RNPEPL1: variants seen among roughly 807,000 people sequenced by gnomAD.
The protein encoded by RNPEPL1 is arginyl aminopeptidase like 1.
A neutral mutation model predicts 69.0 loss-of-function variants in RNPEPL1; 46 were observed. The observed-to-expected ratio is 0.67, with a 90% CI of 0.53 to 0.85. The LOEUF (loss-of-function observed/expected upper bound fraction) is 0.85, where lower values mean the gene tolerates loss of function less well. Ranked by LOEUF, RNPEPL1 falls within the 40% of genes least tolerant of loss-of-function variation. RNPEPL1 has a pLI of 0.00. For missense variants in RNPEPL1, 869 were observed against 992.5 expected, an observed-to-expected ratio of 0.88 and a Z score of 1.67; for synonymous variants, 525 against 454.1, an observed-to-expected ratio of 1.16 and a Z score of -1.98.
chr2:240,569,092 A>T lies in RNPEPL1; in HGVS notation c.506A>T (p.Tyr169Phe). The T allele has an allele frequency of 6.7e-7, 1 of 1,502,016 alleles. No homozygotes were observed. The highest frequency in any genetic ancestry group is 1.2e-5 in the South Asian group (1 of 81,678). 93.0% of individuals were successfully genotyped at this position (1,502,016 alleles called of 1,614,324 possible). A position where few individuals can be genotyped will look rare whatever the true frequency, so the allele number is the denominator to read the frequency against. The change falls in exon 1 of 11, where the codon TAC becomes TTC. Residue 169 changes from tyrosine (Y) to phenylalanine (F), a missense_variant. Physicochemically the swap from Tyr to Phe is conservative, Grantham distance 22 (BLOSUM62 3). Around this residue, in one of 2 missense-constraint regions of RNPEPL1, gnomAD observed 610 missense variants for 790.9 expected, o/e 0.77. Transcript: ENST00000270357. ...CAGCCCTTCCAGGTCATCCTGCGGT[A>T]CACCTCGACCGACGCCCCCGCCGTG... ...AHQPFQVILR[Y>F]TSTDAPAIWW...
chr2:240,572,867 G>C (rs1007785316), intron 2 of RNPEPL1, among the ~76,000 whole-genome samples: 2 of 152,268 alleles, frequency 1.3e-5, no homozygotes, highest in Admixed American at 6.5e-5. Context: ...AGTGGGGTCT[G>C]TGGGTCACCG....
In RNPEPL1 at chr2:240,578,017, T is replaced by A; in HGVS notation, c.*125T>A. 1 of 967,710 alleles carries A rather than the reference T, an allele frequency of 1.0e-6. No homozygotes were observed. Among genetic ancestry groups the A allele is most frequent in the Non-Finnish European group, 1.4e-6 (1 of 697,808 alleles). 59.9% of individuals were successfully genotyped at this position (967,710 alleles called of 1,614,324 possible). ...TGCCCAGGCCCACAAGCCCCTCCCCTGGGCTCTCCCAGGCAGGGAGAATGG... is the reference window on the plus strand; with the variant it reads ...TGCCCAGGCCCACAAGCCCCTCCCCAGGGCTCTCCCAGGCAGGGAGAATGG... On this transcript the variant is annotated 3_prime_UTR_variant, in exon 11 of 11. Coordinates refer to ENST00000270357, the MANE Select transcript of RNPEPL1 (RefSeq NM_018226.6).
chr2:240,572,615 T>C (rs988526889), intron 2 of RNPEPL1, 52 bp downstream of exon 2: 3 of 1,531,388 alleles, frequency 2.0e-6, no homozygotes, highest in Non-Finnish European at 2.6e-6. Flanking sequence ...CCCAGTGGCC[T>C]GGCCACGCCG....
At chr2:240,577,131 TG>T (rs2093040179) in intron 10 of RNPEPL1, 141 bp downstream of exon 10, 9 of 1,073,628 alleles carry the variant, frequency 8.4e-6, no homozygotes, top group South Asian at 7.4e-5. Flanking sequence ...AGGGGTCTGT[TG>T]GGAGTGGGGG....
Position 240,576,563 on chromosome 2 carries a change from C to T in RNPEPL1, c.1539C>T (p.Ala513=). The change falls in exon 9 of 11, where the codon GCC becomes GCT. Residue 513 remains alanine, a synonymous_variant. Coordinates refer to ENST00000270357, the MANE Select transcript of RNPEPL1 (RefSeq NM_018226.6). ...TGGAATTCGAGCGCTGGCTCAATGC[C>T]ACAGGCCCGCCGCTGGCTGAGCCGG... ...AGLEFERWLN[A]TGPPLAEPDL... 1 of 1,612,684 alleles carries T rather than the reference C, an allele frequency of 6.2e-7. No homozygotes were observed. The highest frequency in any genetic ancestry group is 8.5e-7 in the Non-Finnish European group (1 of 1,179,874).
At chr2:240,575,257 G>A (rs1207287371) in intron 7 of RNPEPL1, 115 bp downstream of exon 7, 2 of 875,218 alleles carry the variant, frequency 2.3e-6, no homozygotes, top group Admixed American at 3.8e-5. Context: ...GGGCCTGTGA[G>A]CCTGGCTGGG....
In RNPEPL1 at chr2:240,569,015, C is replaced by G; in HGVS notation, c.429C>G (p.Thr143=). 1.3e-6 allele frequency: 2 copies of G among 1,508,538 alleles called. No individual in the cohort carries two copies. Among genetic ancestry groups the G allele is most frequent in the Non-Finnish European group, 1.8e-6 (2 of 1,136,142 alleles). 93.4% of individuals were successfully genotyped at this position (1,508,538 alleles called of 1,614,324 possible). ...TGGCCTTCAGGGTGGACCCGTTCAC[C>G]GACTACGGCTCCTCGCTCACCGTCA... ...CPLAFRVDPF[T]DYGSSLTVTL... Residue 143 remains threonine, a synonymous_variant, in exon 1 of 11, where the codon ACC becomes ACG. Coordinates refer to ENST00000270357, the MANE Select transcript of RNPEPL1 (RefSeq NM_018226.6).
chr2:240,572,608 A>G, intron 2 of RNPEPL1, 45 bp downstream of exon 2: 2 of 1,533,710 alleles, frequency 1.3e-6, no homozygotes, highest in Non-Finnish European at 1.7e-6. Context: ...AGGACAGCCC[A>G]GTGGCCTGGC....
chr2:240,571,970 A>C (rs2093022943), intron 1 of RNPEPL1, among the ~76,000 whole-genome samples: 2 of 152,104 alleles, frequency 1.3e-5, no homozygotes, highest in African/African-American at 4.8e-5. Flanking sequence ...AGCCATCAGG[A>C]GGCTCTGGCT....
In RNPEPL1 at chr2:240,579,145, A is replaced by G. The variant is rs1406868171; in HGVS notation, c.*1253A>G. 6.6e-6 allele frequency: 1 copy of G among 152,192 alleles called. No homozygotes were observed. Among genetic ancestry groups the G allele is most frequent in the Non-Finnish European group, 1.5e-5 (1 of 68,046 alleles). The allele number at this position is 152,192 out of a possible 1,614,324, so 9.4% of individuals were successfully genotyped here. A position where few individuals can be genotyped will look rare whatever the true frequency, so the allele number is the denominator to read the frequency against. ...TGGCGCCACCATCTCAGTGCCACGC[A>G]CACCTGGCCAACATGCCGTGGCCCA... On this transcript the variant is annotated 3_prime_UTR_variant, in exon 11 of 11. Transcript: ENST00000270357.
At chr2:240,575,416 CGCCCTGCAGT>C (rs988668626) in intron 7 of RNPEPL1, 76 bp from the exon 8 acceptor site, 9 of 1,173,806 alleles carry the variant, frequency 7.7e-6, no homozygotes, top group African/African-American at 6.1e-5. Context: ...CCTTGGCGCA[CGCCCTGCAGT>C]GCCCTGCAGG....
At chr2:240,573,650 T>C in intron 3 of RNPEPL1, 125 bp from the exon 4 acceptor site, 1 of 791,098 alleles carries the variant, frequency 1.3e-6, no homozygotes, top group Non-Finnish European at 2.0e-6. Context: ...GGCTGTAGGC[T>C]GGGGTGGTCA....
rs1019957095 is a variant in RNPEPL1 at position 240,573,379 on chromosome 2, C to T, written c.821+118C>T. 4.1e-5 allele frequency: 51 copies of T among 1,258,290 alleles called. No homozygotes were observed. In the African/African-American group the frequency reaches 7.5e-4, roughly 18 times the overall value. 77.9% of individuals were successfully genotyped at this position (1,258,290 alleles called of 1,614,324 possible). On this transcript the variant is annotated intron_variant, in intron 3 of 10. Coordinates refer to ENST00000270357, the MANE Select transcript of RNPEPL1 (RefSeq NM_018226.6). ...GAGGACCCCCACTGGCCTCTGGGTG[C>T]TCTGGGCCAGCCCTGCCCCTGCCTT...
chr2:240,573,277 G>A lies in RNPEPL1; in HGVS notation c.821+16G>A. On this transcript the variant is annotated intron_variant, in intron 3 of 10. Transcript: ENST00000270357. ...TCGGGCCCAGGTAGGGCCTCCTGCT[G>A]GGGCCTTCTGGGGCTGCGCAGGCCT... is the stretch of plus-strand genomic sequence containing the variant. 6.5e-7 allele frequency: 1 copy of A among 1,549,584 alleles called. No individual in the cohort carries two copies.
intron 1 of RNPEPL1, among the ~76,000 whole-genome samples, chr2:240,571,795 T>G (rs1037682620): frequency 2.0e-5 from 3 of 151,796 alleles, no homozygotes; most frequent in African/African-American, 7.3e-5. Context: ...CCAGCCATCC[T>G]TCCCTTGGCC....
intron 1 of RNPEPL1, among the ~76,000 whole-genome samples, chr2:240,569,584 C>T (rs2093015350): frequency 6.6e-6 from 1 of 152,178 alleles, no homozygotes; most frequent in African/African-American, 2.4e-5. Flanking sequence ...GGCCCCGCGA[C>T]CCCAACATAG....
chr2:240,574,814 TC>T (rs2093033114), intron 6 of RNPEPL1, 186 bp downstream of exon 6: 13 of 661,404 alleles, frequency 2.0e-5, no homozygotes, highest in Non-Finnish European at 2.6e-6. Flanking sequence ...CACCGCCGCT[TC>T]CCTGGCTCTG....
intron 2 of RNPEPL1, 66 bp downstream of exon 2, chr2:240,572,629 C>T: frequency 6.6e-7 from 1 of 1,520,006 alleles, no homozygotes. Context: ...CACGCCGCCT[C>T]CCCCTTGCTC....
Position 240,575,137 on chromosome 2 carries a change from C to A in RNPEPL1, c.1396C>A (p.Leu466Ile). The part of the protein sequence containing the change: ...CGDPQRFDDF[L>I]RAYVEKYKFT... Reference sequence around the variant, plus strand: ...AGACCCACAGCGCTTTGATGACTTTCTCCGAGTGAGCAGCCCCCTGCCCGG... The same window carrying A: ...AGACCCACAGCGCTTTGATGACTTTATCCGAGTGAGCAGCCCCCTGCCCGG... The change falls in exon 7 of 11, where the codon CTC becomes ATC. Residue 466 changes from leucine (L) to isoleucine (I), a missense_variant. Around this residue, in one of 2 missense-constraint regions of RNPEPL1, gnomAD observed 610 missense variants for 790.9 expected, o/e 0.77. Transcript: ENST00000270357. The A allele has an allele frequency of 2.5e-6, 4 of 1,612,520 alleles. No individual in the cohort carries two copies. Among genetic ancestry groups the A allele is most frequent in the Non-Finnish European group, 3.4e-6 (4 of 1,179,112 alleles).
Sources: allele counts gnomAD v4.1 joint callset (sites outside exome capture counted in the v4.1 genomes callset), GRCh38; gene constraint gnomAD v4.1.1; regional missense constraint gnomAD v4.1.1; transcripts MANE v1.5; gene names NCBI Gene and HGNC (gene_info 2026-07-23, HGNC 2026-07-21).